Variants in ASXL3 observed in about 807,000 individuals in gnomAD.
ASXL3 encodes ASXL transcriptional regulator 3, also known as putative Polycomb group protein ASXL3.
In ASXL3, 34 loss-of-function variants were observed where a neutral mutation model predicts 170.6. The ratio of observed to expected loss-of-function variants is 0.20; its 90% CI spans 0.15 to 0.27. The LOEUF (loss-of-function observed/expected upper bound fraction) is 0.27. ASXL3 is among the 10% of genes least tolerant of loss of function. The pLI is 1.00. For missense variants in ASXL3, 2,592 were observed against 2,695.3 expected, an observed-to-expected ratio of 0.96 and a Z score of 0.85; for synonymous variants, 1,002 against 989.1, an observed-to-expected ratio of 1.01 and a Z score of -0.24.
intron 4 of ASXL3, among the ~76,000 whole-genome samples, chr18:33,656,341 G>C (rs2066084211): frequency 6.6e-6 from 1 of 152,114 alleles, no homozygotes; most frequent in South Asian, 2.1e-4. Context: ...TGTTTGGAAA[G>C]AGAACTTACA....
At chr18:33,639,210 A>G (rs2065812215) in intron 2 of ASXL3, among the ~76,000 whole-genome samples, 1 of 152,138 alleles carries the variant, frequency 6.6e-6, no homozygotes, top group African/African-American at 2.4e-5. Context: ...GTTTTAATGC[A>G]TTTAATCTTC....
chr18:33,648,575 C>G (rs2097416387), intron 4 of ASXL3, among the ~76,000 whole-genome samples: 1 of 151,990 alleles, frequency 6.6e-6, no homozygotes, highest in East Asian at 1.9e-4. Context: ...CTGATTTTAT[C>G]TGTCTGAAAA....
intron 11 of ASXL3, among the ~76,000 whole-genome samples, chr18:33,741,664 C>T (rs2067665654): frequency 6.6e-6 from 1 of 152,112 alleles, no homozygotes; most frequent in Non-Finnish European, 1.5e-5. Context: ...CTCAGGAAGA[C>T]AATTTCATCC....
intron 2 of ASXL3, among the ~76,000 whole-genome samples, chr18:33,612,412 C>T (rs142474299): frequency 8.1e-4 from 123 of 152,076 alleles, no homozygotes; most frequent in African/African-American, 2.6e-3. Context: ...TTGTGTTTAG[C>T]GTTCCTCAGA....
At chr18:33,726,662 A>G (rs572306018) in intron 8 of ASXL3, among the ~76,000 whole-genome samples, 1 of 152,302 alleles carries the variant, frequency 6.6e-6, no homozygotes, top group African/African-American at 2.4e-5. Context: ...TAGTAGAAAA[A>G]TTGAAATCAC....
Position 33,739,852 on chromosome 18 carries a change from T to C in ASXL3, c.2448T>C (p.Ser816=), listed in dbSNP as rs2067625760. Residue 816 remains serine, a synonymous_variant, in exon 11 of 12, where the codon TCT becomes TCC. Transcript: ENST00000269197. ...CCGAACCCATCATAATGAGTTCTTC[T>C]TCCATTGCTCCTGAAGCATTTCCGT... ...NTPEPIIMSS[S]SIAPEAFPSE... 2 of 1,613,800 alleles carry C rather than the reference T, an allele frequency of 1.2e-6. No individual in the cohort carries two copies. Among genetic ancestry groups the C allele is most frequent in the Non-Finnish European group, 8.5e-7 (1 of 1,179,854 alleles).
rs915221154 is a variant in ASXL3 at position 33,671,787 on chromosome 18, A to C, written c.636A>C (p.Lys212Asn). ...SKNGEADSSD[K>N]EMKHGQKSPT... Reference sequence around the variant, plus strand: ...ATGGTGAAGCAGACAGTTCAGATAAAGAAATGAAACATGGGCAAAAATCTC... The same window carrying C: ...ATGGTGAAGCAGACAGTTCAGATAACGAAATGAAACATGGGCAAAAATCTC... The change falls in exon 7 of 12, where the codon AAA (lysine) becomes AAC (asparagine). Residue 212 changes from lysine (K) to asparagine (N), a missense_variant. Transcript: ENST00000269197. 3 of 1,610,594 alleles carry C rather than the reference A, an allele frequency of 1.9e-6. No individual in the cohort carries two copies. In the African/African-American group the frequency reaches 4.0e-5, roughly 22 times the overall value.
chr18:33,608,971 G>T (rs563488008), intron 2 of ASXL3: 2 of 927,350 alleles, frequency 2.2e-6, no homozygotes, highest in East Asian at 2.4e-4. Flanking sequence ...TTATTTTGGA[G>T]ACTTTTTTTT....
chr18:33,649,539 T>C (rs1047730417), intron 4 of ASXL3: 3 of 152,118 alleles, frequency 2.0e-5, no homozygotes, highest in African/African-American at 7.2e-5. Flanking sequence ...CTGAATTTAC[T>C]AGGAGACCAA....
chr18:33,698,120 G>A (rs149368632), intron 8 of ASXL3, among the ~76,000 whole-genome samples: 52 of 152,198 alleles, frequency 3.4e-4, no homozygotes, highest in East Asian at 2.1e-3. Context: ...GAGATGTGGG[G>A]CCTTTTGAGA....
chr18:33,644,245 A>G (rs1274724448), intron 2 of ASXL3, among the ~76,000 whole-genome samples: 1 of 151,962 alleles, frequency 6.6e-6, no homozygotes, highest in Non-Finnish European at 1.5e-5. Flanking sequence ...GCTGGACAGA[A>G]TTTCCCAACA....
At chr18:33,645,610 T>G (rs2065904626) in intron 3 of ASXL3, among the ~76,000 whole-genome samples, 1 of 151,958 alleles carries the variant, frequency 6.6e-6, no homozygotes, top group Non-Finnish European at 1.5e-5. Flanking sequence ...AAATGCAACA[T>G]TCCAGAAGAC....
chr18:33,718,362 A>G (rs1468271230), intron 8 of ASXL3, among the ~76,000 whole-genome samples: 1 of 152,130 alleles, frequency 6.6e-6, no homozygotes, highest in Non-Finnish European at 1.5e-5. Context: ...CACCCAAATG[A>G]GTTGTTCTCA....
Position 33,713,229 on chromosome 18 carries a change from G to GTTTTTTTTTTTTTTTTTTTTTTT in ASXL3, c.880-18731_880-18730insTTTTTTTTTTTTTTTTTTTTTTT, listed in dbSNP as rs1478922106. 4.9e-5 allele frequency among the ~76,000 whole-genome samples: 4 copies of GTTTTTTTTTTTTTTTTTTTTTTT among 81,770 alleles called. 2 individuals are homozygous for GTTTTTTTTTTTTTTTTTTTTTTT. Among genetic ancestry groups the GTTTTTTTTTTTTTTTTTTTTTTT allele is most frequent in the African/African-American group, 1.2e-4 (2 of 16,048 alleles). 53.6% of individuals were successfully genotyped at this position (81,770 alleles called of 152,430 possible). ...GCAGTTAGCAATCTACCACAAGAAG[G>GTTTTTTTTTTTTTTTTTTTTTTT]TTTTTTTTGTTTTGTTTTGTTTTTT... On this transcript the variant is annotated intron_variant, in intron 8 of 11. Transcript: ENST00000269197.
intron 2 of ASXL3, among the ~76,000 whole-genome samples, chr18:33,624,891 T>C (rs964027588): frequency 1.3e-5 from 2 of 152,198 alleles, no homozygotes; most frequent in African/African-American, 4.8e-5. Flanking sequence ...CTAGGATTTT[T>C]CCATTATACT....
chr18:33,628,046 A>G (rs2065626686), intron 2 of ASXL3, among the ~76,000 whole-genome samples: 1 of 152,172 alleles, frequency 6.6e-6, no homozygotes, highest in Admixed American at 6.5e-5. Flanking sequence ...GCAAAAAGGC[A>G]GGAAACTAAC....
At chr18:33,632,228 T>A (rs1032991826) in intron 2 of ASXL3, among the ~76,000 whole-genome samples, 9 of 152,140 alleles carry the variant, frequency 5.9e-5, no homozygotes, top group Non-Finnish European at 1.2e-4. Context: ...TATCATATTA[T>A]AATAAAATTC....
At chr18:33,706,983 C>T (rs889559842) in intron 8 of ASXL3, among the ~76,000 whole-genome samples, 1 of 151,788 alleles carries the variant, frequency 6.6e-6, no homozygotes, top group Non-Finnish European at 1.5e-5. Context: ...GTTGACCAAA[C>T]ATATCTTATT....
At chr18:33,660,255 G>A (rs2066150376) in intron 4 of ASXL3, among the ~76,000 whole-genome samples, 1 of 152,118 alleles carries the variant, frequency 6.6e-6, no homozygotes, top group Non-Finnish European at 1.5e-5. Context: ...CATGTTGGAA[G>A]TGTATGGCAT....
Sources: allele counts gnomAD v4.1 joint callset (sites outside exome capture counted in the v4.1 genomes callset), GRCh38; gene constraint gnomAD v4.1.1; transcripts MANE v1.5; gene names NCBI Gene and HGNC (gene_info 2026-07-23, HGNC 2026-07-21).